The following MMP28 variants were observed in gnomAD, a reference collection of about 807,000 sequenced individuals.
MMP28 encodes matrix metallopeptidase 28.
MMP28 carries 55 observed loss-of-function variants against 60.5 expected under a neutral mutation model. The ratio of observed to expected loss-of-function variants is 0.91; its 90% CI spans 0.73 to 1.14. The LOEUF is 1.14. Ranked by LOEUF, MMP28 falls within the 50% of genes most tolerant of loss-of-function variation. The pLI, the probability that MMP28 is intolerant of heterozygous loss-of-function variation, is 0.00. For missense variants in MMP28, 686 were observed against 738.3 expected, an observed-to-expected ratio of 0.93 and a Z score of 0.82; for synonymous variants, 318 against 312.5, an observed-to-expected ratio of 1.02 and a Z score of -0.18.
At chr17:35,763,558 T>A (rs2085867979), downstream of MMP28, among the ~76,000 whole-genome samples, 1 of 150,342 alleles carries the variant, frequency 6.7e-6, no homozygotes, top group African/African-American at 2.5e-5. Context: ...AGTGCTGAGA[T>A]TACAGGCGTG....
chr17:35,774,305 C>T (rs2086260483), intron 3 of MMP28, among the ~76,000 whole-genome samples: 2 of 152,102 alleles, frequency 1.3e-5, no homozygotes, highest in African/African-American at 4.8e-5. Flanking sequence ...CCTGCAAACT[C>T]AGGGGCTGGG....
chr17:35,768,197 G>A (rs995134825), intron 6 of MMP28, 33 bp downstream of exon 6: 17 of 1,568,462 alleles, frequency 1.1e-5, no homozygotes, highest in Admixed American at 1.9e-5. Flanking sequence ...TGGAAGGAGA[G>A]AAAGAAGCAA....
chr17:35,765,438 AC>A (rs1419358798), downstream of MMP28, among the ~76,000 whole-genome samples: 6 of 152,332 alleles, frequency 3.9e-5, no homozygotes, highest in African/African-American at 1.2e-4. Flanking sequence ...GAGGCAGAAG[AC>A]AGGGAGGCTG....
chr17:35,759,483 C>T (rs1343683406), intron 2 of MMP28, among the ~76,000 whole-genome samples: 2 of 151,996 alleles, frequency 1.3e-5, no homozygotes, highest in South Asian at 2.1e-4. Context: ...GGGCAGATTA[C>T]GACGTCAGGA....
At chr17:35,777,637 G>C (rs2086372319) in intron 3 of MMP28, among the ~76,000 whole-genome samples, 1 of 152,238 alleles carries the variant, frequency 6.6e-6, no homozygotes, top group Non-Finnish European at 1.5e-5. Context: ...AGTGTTCACA[G>C]TAAAATTAAT....
chr17:35,763,174 TG>T (rs2143098199), downstream of MMP28, among the ~76,000 whole-genome samples: 1 of 151,568 alleles, frequency 6.6e-6, no homozygotes, highest in South Asian at 2.1e-4. Context: ...GGCTCGTGGC[TG>T]TGATCCCAGC....
At chr17:35,760,756 A>C (rs1272746954) in intron 2 of MMP28, 2 of 669,094 alleles carry the variant, frequency 3.0e-6, no homozygotes, top group East Asian at 5.7e-5. Flanking sequence ...CTGAGTTGTT[A>C]GTGCTTTGGG....
At chr17:35,770,715 TGTG>T (rs1334009665) in intron 4 of MMP28, among the ~76,000 whole-genome samples, 3 of 65,160 alleles carry the variant, frequency 4.6e-5, no homozygotes, top group Non-Finnish European at 8.6e-5. Context: ...GAATAATAAA[TGTG>T]TGTGTGTGTG....
At chr17:35,792,655 T>C (rs2086847032) in intron 1 of MMP28, among the ~76,000 whole-genome samples, 4 of 152,240 alleles carry the variant, frequency 2.6e-5, no homozygotes, top group African/African-American at 7.2e-5. Context: ...TGCTGTCTGT[T>C]GTCCAATGCT....
intron 4 of MMP28, among the ~76,000 whole-genome samples, chr17:35,770,524 G>A (rs2086100091): frequency 6.6e-6 from 1 of 152,236 alleles, no homozygotes; most frequent in South Asian, 2.1e-4. Flanking sequence ...GTAGGCTGTG[G>A]ACGCCTAAGA....
chr17:35,795,243 C>T, intron 1 of MMP28, 24 bp downstream of exon 1: 1 of 1,370,090 alleles, frequency 7.3e-7, no homozygotes, highest in Non-Finnish European at 9.5e-7. Flanking sequence ...ACGCACCGCT[C>T]TCCGCCAGGT....
intron 2 of MMP28, among the ~76,000 whole-genome samples, chr17:35,760,082 G>A (rs782701217): frequency 6.6e-6 from 1 of 152,152 alleles, no homozygotes; most frequent in Non-Finnish European, 1.5e-5. Flanking sequence ...AAACTTAGAT[G>A]CCCAAAGGAA....
chr17:35,767,232 C>T (rs1377174285), intron 7 of MMP28, among the ~76,000 whole-genome samples: 1 of 152,160 alleles, frequency 6.6e-6, no homozygotes, highest in Admixed American at 6.5e-5. Flanking sequence ...ACATATCCAA[C>T]CACGTCTAGT....
intron 1 of MMP28, among the ~76,000 whole-genome samples, chr17:35,787,074 A>G (rs1017299991): frequency 2.0e-5 from 3 of 152,184 alleles, no homozygotes; most frequent in African/African-American, 7.2e-5. Flanking sequence ...TGCTCTCTCT[A>G]CTGGGGAGCT....
chr17:35,786,273 G>A (rs2086646197), intron 1 of MMP28, among the ~76,000 whole-genome samples: 2 of 151,792 alleles, frequency 1.3e-5, no homozygotes, highest in South Asian at 4.2e-4. Context: ...AGCCAGGCTG[G>A]TCTCAAACTC....
In MMP28 at chr17:35,765,935, TA is replaced by T; in HGVS notation, c.*564del. ...CCCCAGACAAAAAGCCAGGGACTGG[TA>T]GGCCTGCATCAGTCTCCCTCCCACT... On this transcript the variant is annotated 3_prime_UTR_variant, in exon 8 of 8. Transcript: ENST00000605424. 1.0e-6 allele frequency: 1 copy of T among 985,410 alleles called. No homozygotes were observed. The highest frequency in any genetic ancestry group is 1.2e-6 in the Non-Finnish European group (1 of 829,922). 61.0% of individuals were successfully genotyped at this position (985,410 alleles called of 1,614,324 possible). A position where few individuals can be genotyped will look rare whatever the true frequency, so the allele number is the denominator to read the frequency against.
intron 4 of MMP28, among the ~76,000 whole-genome samples, chr17:35,772,113 T>C (rs1428688709): frequency 1.3e-5 from 2 of 152,134 alleles, no homozygotes; most frequent in Non-Finnish European, 2.9e-5. Flanking sequence ...GTCAGCCGCA[T>C]GTAGGAGGAA....
At chr17:35,794,140 A>G (rs74252048) in intron 1 of MMP28, among the ~76,000 whole-genome samples, 3,238 of 152,136 alleles carry the variant, frequency 0.021, 63 homozygotes, top group East Asian at 0.11. Flanking sequence ...CCTTCTCCTT[A>G]AAATAGTGGA....
intron 2 of MMP28, among the ~76,000 whole-genome samples, chr17:35,757,694 A>C (rs928282582): frequency 6.6e-6 from 1 of 152,312 alleles, no homozygotes; most frequent in Admixed American, 6.5e-5. Flanking sequence ...TTCTCTATAC[A>C]AATGTAAGAT....
Sources: allele counts gnomAD v4.1 joint callset (sites outside exome capture counted in the v4.1 genomes callset), GRCh38; gene constraint gnomAD v4.1.1; transcripts MANE v1.5; gene names NCBI Gene and HGNC (gene_info 2026-07-23, HGNC 2026-07-21).